PPP2R2C: variants seen among roughly 807,000 people sequenced by gnomAD.
PPP2R2C encodes the protein protein phosphatase 2, regulatory subunit B, gamma.
PPP2R2C carries 10 observed loss-of-function variants against 45.3 expected under a neutral mutation model. The ratio of observed to expected loss-of-function variants is 0.22; its 90% CI spans 0.14 to 0.37. PPP2R2C has a LOEUF of 0.37. PPP2R2C is among the 10% of genes least tolerant of loss of function. The pLI is 1.00. For synonymous variants in PPP2R2C, 257 were observed against 245.4 expected, an observed-to-expected ratio of 1.05 and a Z score of -0.44; for missense variants, 308 against 619.7, an observed-to-expected ratio of 0.50 and a Z score of 5.34.
intron 1 of PPP2R2C, among the ~76,000 whole-genome samples, chr4:6,416,536 T>C (rs1718596762): frequency 6.6e-6 from 1 of 152,064 alleles, no homozygotes; most frequent in Non-Finnish European, 1.5e-5. Context: ...GTGGGAGCTT[T>C]CCCAACAGAA....
At chr4:6,363,707 C>A (rs1380839762) in intron 5 of PPP2R2C, among the ~76,000 whole-genome samples, 1 of 152,100 alleles carries the variant, frequency 6.6e-6, no homozygotes, top group Non-Finnish European at 1.5e-5. Context: ...CTGTGTGTGA[C>A]CTTGTGTCAT....
At chr4:6,550,043 G>A (rs992403039) in intron 1 of PPP2R2C, among the ~76,000 whole-genome samples, 5 of 152,168 alleles carry the variant, frequency 3.3e-5, no homozygotes. Context: ...AGCACGAGGT[G>A]CAGCTGAGGT....
At position 6,382,785 on chromosome 4, in the gene PPP2R2C, C is replaced by T. The variant is rs889155288; in HGVS notation, c.71-1691G>A. On this transcript the variant is annotated intron_variant, in intron 1 of 8. Transcript: ENST00000382599. ...ATGCCAGCCACTCTCCCACCTCTCA[C>T]TGGATGACTGCCACAGCTCTTTCTC... The T allele has an allele frequency of 7.3e-5, 63 of 862,886 alleles. No individual in the cohort carries two copies. In the African/African-American group the frequency reaches 1.1e-3, roughly 15 times the overall value. The allele number at this position is 862,886 out of a possible 1,614,324, so 53.5% of individuals were successfully genotyped here. A position where few individuals can be genotyped will look rare whatever the true frequency, so the allele number is the denominator to read the frequency against.
At chr4:6,379,086 G>A (rs959220467) in intron 2 of PPP2R2C, among the ~76,000 whole-genome samples, 6 of 152,042 alleles carry the variant, frequency 3.9e-5, no homozygotes, top group Admixed American at 3.3e-4. Context: ...TGGATTCCAC[G>A]TGTCCAACTC....
At chr4:6,479,832 A>G (rs1329984723) in intron 2 of PPP2R2C, among the ~76,000 whole-genome samples, 1 of 152,086 alleles carries the variant, frequency 6.6e-6, no homozygotes, top group East Asian at 1.9e-4. Context: ...TTCAAAAGGA[A>G]TCAATATTAG....
At chr4:6,333,482 G>C in intron 7 of PPP2R2C, 80 bp downstream of exon 7, 2 of 1,505,402 alleles carry the variant, frequency 1.3e-6, no homozygotes, top group Non-Finnish European at 1.8e-6. Flanking sequence ...GCCACGCCTG[G>C]CTAGGAAGGC....
At chr4:6,465,889 T>A (rs1290971523) in intron 1 of PPP2R2C, among the ~76,000 whole-genome samples, 2 of 152,170 alleles carry the variant, frequency 1.3e-5, no homozygotes, top group Non-Finnish European at 1.5e-5. Context: ...CTACCCTTGG[T>A]TCAATAATAA....
intron 8 of PPP2R2C, among the ~76,000 whole-genome samples, 177 bp from the exon 9 acceptor site, chr4:6,323,770 T>C (rs539493612): frequency 1.3e-5 from 2 of 151,986 alleles, no homozygotes; most frequent in South Asian, 2.1e-4. Flanking sequence ...ACTCCACCTC[T>C]ACAAAAAAAA....
chr4:6,492,964 C>T (rs1722742312), intron 2 of PPP2R2C, among the ~76,000 whole-genome samples: 1 of 152,080 alleles, frequency 6.6e-6, no homozygotes, highest in South Asian at 2.1e-4. Flanking sequence ...ATCTGCTTCC[C>T]CTCCCCAGTC....
chr4:6,430,103 T>A (rs1042600838), intron 1 of PPP2R2C, among the ~76,000 whole-genome samples: 4 of 152,116 alleles, frequency 2.6e-5, no homozygotes, highest in African/African-American at 9.7e-5. Flanking sequence ...TGAATTTCCA[T>A]TTAAGAAGTG....
chr4:6,415,311 A>G (rs1294301404), intron 1 of PPP2R2C, among the ~76,000 whole-genome samples: 1 of 152,208 alleles, frequency 6.6e-6, no homozygotes, highest in Non-Finnish European at 1.5e-5. Flanking sequence ...GTTTCAATCC[A>G]TTTGCATTTG....
chr4:6,351,891 A>G (rs937867670), intron 5 of PPP2R2C, among the ~76,000 whole-genome samples: 3 of 152,124 alleles, frequency 2.0e-5, no homozygotes, highest in Non-Finnish European at 4.4e-5. Context: ...TCAGGTGGCC[A>G]TAGGACCTAC....
intron 2 of PPP2R2C, among the ~76,000 whole-genome samples, chr4:6,379,600 T>G (rs575737693): frequency 6.6e-6 from 1 of 152,328 alleles, no homozygotes; most frequent in East Asian, 1.9e-4. Flanking sequence ...CAATCCGATC[T>G]CTTTCTGCAG....
intron 5 of PPP2R2C, chr4:6,350,556 C>T (rs1404968961): frequency 3.0e-6 from 3 of 985,166 alleles, no homozygotes; most frequent in South Asian, 4.7e-5. Context: ...CACTCATTCT[C>T]GTTGTATTTC....
intron 4 of PPP2R2C, among the ~76,000 whole-genome samples, chr4:6,374,142 C>A (rs1222304196): frequency 1.3e-5 from 2 of 152,176 alleles, no homozygotes; most frequent in African/African-American, 4.8e-5. Context: ...CTGGGGATCC[C>A]TGGACTCTCA....
At chr4:6,519,791 A>C (rs574493329) in intron 2 of PPP2R2C, among the ~76,000 whole-genome samples, 1 of 152,296 alleles carries the variant, frequency 6.6e-6, no homozygotes, top group African/African-American at 2.4e-5. Context: ...CAAGCCCCTC[A>C]AACACCAGTG....
chr4:6,557,587 C>T (rs2108844987), intron 1 of PPP2R2C, among the ~76,000 whole-genome samples: 1 of 152,142 alleles, frequency 6.6e-6, no homozygotes, highest in Non-Finnish European at 1.5e-5. Context: ...GGCAAAGGGC[C>T]CGGGACAGGA....
chr4:6,412,041 G>T (rs778065118), intron 1 of PPP2R2C, among the ~76,000 whole-genome samples: 1 of 152,224 alleles, frequency 6.6e-6, no homozygotes, highest in Non-Finnish European at 1.5e-5. Flanking sequence ...CTCAGAGCTA[G>T]TTCCATGATG....
chr4:6,551,565 G>A (rs1407127038), intron 1 of PPP2R2C, among the ~76,000 whole-genome samples: 3 of 152,170 alleles, frequency 2.0e-5, no homozygotes, highest in Admixed American at 2.0e-4. Context: ...ATGAAGCTCT[G>A]GGACACCAAA....
Sources: gnomAD v4.1 joint callset for allele counts (sites outside exome capture counted in the v4.1 genomes callset) on GRCh38, gnomAD v4.1.1 for gene constraint, MANE v1.5 for transcripts, NCBI Gene and HGNC (gene_info 2026-07-23, HGNC 2026-07-21) for gene names.